Variants in VPS13C observed in about 807,000 individuals in gnomAD.
VPS13C encodes the protein intermembrane lipid transfer protein VPS13C.
A neutral mutation model predicts 456.8 loss-of-function variants in VPS13C; 358 were observed. The ratio of observed to expected loss-of-function variants is 0.78; its 90% CI spans 0.72 to 0.86. The LOEUF (loss-of-function observed/expected upper bound fraction) is 0.86, where lower values mean the gene tolerates loss of function less well. Among genes scored for constraint, VPS13C ranks in the 40% least tolerant of loss-of-function variants. The pLI is 0.00. For synonymous variants in VPS13C, 1,578 were observed against 1,486.7 expected (o/e 1.06, Z -1.41); for missense variants, 4,818 against 4,385.4 (o/e 1.10, Z -2.79).
intron 19 of VPS13C, 131 bp downstream of exon 19, chr15:61,984,726 G>A: frequency 1.1e-6 from 1 of 882,058 alleles, no homozygotes; most frequent in Non-Finnish European, 1.7e-6. Context: ...ATATAAAAAG[G>A]CTATCTTGAC....
chr15:62,018,712 C>A (rs28802313), intron 9 of VPS13C, among the ~76,000 whole-genome samples: 115 of 152,158 alleles, frequency 7.6e-4, no homozygotes, highest in African/African-American at 2.6e-3. Flanking sequence ...AGGATTTTTG[C>A]ATCGATGTTC....
In VPS13C at chr15:61,858,824, C is replaced by G. The variant is rs1479753454; in HGVS notation, c.10953-2415G>C. 6.6e-6 allele frequency among the ~76,000 whole-genome samples: 1 copy of G among 152,172 alleles called. No individual in the cohort carries two copies. Among genetic ancestry groups the G allele is most frequent in the African/African-American group, 2.4e-5 (1 of 41,446 alleles). ...AGGGATCTTAGAATTCTGCCAACAA[C>G]AGCAAATGAGCTTGGAAGTGGATTC... is the stretch of plus-strand genomic sequence containing the variant. On this transcript the variant is annotated intron_variant, in intron 82 of 84. Transcript: ENST00000644861. The surrounding 1 kb of genome is among the most constrained non-coding windows in gnomAD (Gnocchi z 4.4).
chr15:62,007,371 T>C lies in VPS13C; in HGVS notation c.1227A>G (p.Lys409=). The change falls in exon 15 of 85, where the codon AAA becomes AAG. Residue 409 remains lysine (K), a synonymous_variant. Transcript: ENST00000644861. Reference sequence around the variant, plus strand: ...GTGTTAACTTGTTTTTGTAGGCAATTTTATAACTCTTGAGTAACTGCCTGT... The same window carrying C: ...GTGTTAACTTGTTTTTGTAGGCAATCTTATAACTCTTGAGTAACTGCCTGT... ...KKHRQLLKSY[K]IAYKNKLTQS... 6.2e-7 allele frequency: 1 copy of C among 1,613,048 alleles called. No homozygotes were observed. The highest frequency in any genetic ancestry group is 8.5e-7 in the Non-Finnish European group (1 of 1,179,572).
rs750248552 is a variant in VPS13C at position 61,961,791 on chromosome 15, T to C, written c.3706A>G (p.Ser1236Gly). 1 of 1,613,944 alleles carries C rather than the reference T, an allele frequency of 6.2e-7. No homozygotes were observed. The highest frequency in any genetic ancestry group is 2.2e-5 in the East Asian group (1 of 44,854). Residue 1236 changes from serine to glycine, a missense_variant, in exon 35 of 85, where the codon AGT becomes GGT. Physicochemically the swap from Ser to Gly is moderately conservative, Grantham distance 56. This residue lies in a region of VPS13C where 4,552 missense variants were observed against 4,130.6 expected (regional missense o/e 1.10). Coordinates refer to ENST00000644861, the MANE Select transcript of VPS13C (RefSeq NM_020821.3). ...ATSVKDLAQR[S>G]FRVSINIDLK... ...TCAATATTGATGGAAACACGAAAAC[T>C]CCTCTGGGCAAGATCTTTCACACTT...
chr15:62,010,604 C>T lies in VPS13C; in HGVS notation c.884-5G>A, dbSNP rs757293250. 3 of 1,608,328 alleles carry T rather than the reference C, an allele frequency of 1.9e-6. No individual in the cohort carries two copies. Among genetic ancestry groups the T allele is most frequent in the East Asian group, 4.5e-5 (2 of 44,586 alleles). On this transcript the variant is annotated splice_polypyrimidine_tract_variant and splice_region_variant and intron_variant, in intron 12 of 84. Coordinates refer to ENST00000644861, the MANE Select transcript of VPS13C (RefSeq NM_020821.3). ...AGGCTGATATTGGCTGGAAAACTTA[C>T]ATCACATGGGAAGACATAAGATATG...
chr15:62,016,226 G>T (rs1420202246), intron 9 of VPS13C, among the ~76,000 whole-genome samples: 2 of 150,876 alleles, frequency 1.3e-5, no homozygotes, highest in African/African-American at 4.9e-5. Context: ...AGGCAAACTT[G>T]TCTGGTATGA....
In VPS13C at chr15:61,962,516, T is replaced by A. The variant is rs1014878903; in HGVS notation, c.3458A>T (p.Glu1153Val). The A allele has an allele frequency of 1.9e-6, 3 of 1,609,450 alleles. No individual in the cohort carries two copies. In the African/African-American group the frequency reaches 4.0e-5, roughly 22 times the overall value. The part of the protein sequence containing the change: ...HKKAVSIMGN[E>V]VFRFNLDLYP... Reference sequence around the variant, plus strand: ...CAAATCCAAATTAAAACGGAAAACTTCATTTCCCATTATTGACACAGCCTG... The same window carrying A: ...CAAATCCAAATTAAAACGGAAAACTACATTTCCCATTATTGACACAGCCTG... The change falls in exon 34 of 85, where the codon GAA becomes GTA. Residue 1153 changes from glutamate to valine, a missense_variant. By Grantham distance (121) the Glu-to-Val change is moderately radical. Coordinates refer to ENST00000644861, the MANE Select transcript of VPS13C (RefSeq NM_020821.3).
chr15:61,950,913 T>C, intron 40 of VPS13C, 32 bp downstream of exon 40: 1 of 1,420,928 alleles, frequency 7.0e-7, no homozygotes, highest in Non-Finnish European at 9.7e-7. Context: ...TATATTCAAA[T>C]ATTAAAGAAT....
At chr15:62,012,580 T>A (rs970452194) in intron 11 of VPS13C, among the ~76,000 whole-genome samples, 2 of 151,938 alleles carry the variant, frequency 1.3e-5, no homozygotes, top group Non-Finnish European at 2.9e-5. Context: ...TCTAAGTAAA[T>A]AAACATGGCT....
chr15:61,892,069 T>C (rs1299236054), intron 66 of VPS13C, among the ~76,000 whole-genome samples: 1 of 152,200 alleles, frequency 6.6e-6, no homozygotes, highest in Non-Finnish European at 1.5e-5. Flanking sequence ...GAAAGCCAGC[T>C]TCCTCACCAT....
intron 1 of VPS13C, among the ~76,000 whole-genome samples, chr15:62,045,801 T>C (rs1247740830): frequency 6.6e-6 from 1 of 151,866 alleles, no homozygotes; most frequent in Non-Finnish European, 1.5e-5. Context: ...GACCTAAAGA[T>C]CTAAATGTCC....
Position 61,958,601 on chromosome 15 carries a change from C to G in VPS13C, c.4165+7G>C, listed in dbSNP as rs1190846251. On this transcript the variant is annotated splice_region_variant and intron_variant, in intron 37 of 84. Coordinates refer to ENST00000644861, the MANE Select transcript of VPS13C (RefSeq NM_020821.3). ...ATGTATATTGCCACTTACTGTCAGCCTCTTACCTGTCTCTTGTACTCTTGG... is the reference window on the plus strand; with the variant it reads ...ATGTATATTGCCACTTACTGTCAGCGTCTTACCTGTCTCTTGTACTCTTGG... 4.6e-6 allele frequency: 7 copies of G among 1,511,142 alleles called. No homozygotes were observed. Among genetic ancestry groups the G allele is most frequent in the Non-Finnish European group, 5.4e-6 (6 of 1,110,340 alleles). 93.6% of individuals were successfully genotyped at this position (1,511,142 alleles called of 1,614,324 possible).
chr15:61,924,838 T>G (rs1194716081), intron 53 of VPS13C, among the ~76,000 whole-genome samples: 1 of 152,244 alleles, frequency 6.6e-6, no homozygotes, highest in African/African-American at 2.4e-5. Flanking sequence ...CTCATTTTTG[T>G]ATCCTTTGTG....
intron 46 of VPS13C, among the ~76,000 whole-genome samples, chr15:61,941,294 C>T (rs987838783): frequency 1.6e-4 from 24 of 152,132 alleles, no homozygotes; most frequent in Middle Eastern, 3.2e-3. Context: ...ACCAAATAAA[C>T]GCTCTTGTCA....
intron 55 of VPS13C, 137 bp downstream of exon 55, chr15:61,921,810 G>C: frequency 2.8e-6 from 2 of 711,730 alleles, no homozygotes; most frequent in Non-Finnish European, 4.5e-6. Flanking sequence ...CATATGAAAA[G>C]AGTTCTGACC....
Position 61,983,927 on chromosome 15 carries a change from T to G in VPS13C, c.1807A>C (p.Thr603Pro). 1 of 1,614,168 alleles carries G rather than the reference T, an allele frequency of 6.2e-7. No individual in the cohort carries two copies. The highest frequency in any genetic ancestry group is 8.5e-7 in the Non-Finnish European group (1 of 1,180,000). ...TTAATTTTAAGCAAGGATGATGTAG[T>G]GTCACCAATTGAAGCCACAAGTGAT... ...VPSLVASIGD[T>P]TSSLLKIKFE... Residue 603 changes from threonine to proline, a missense_variant, in exon 20 of 85, where the codon ACT becomes CCT. Physicochemically the swap from Thr to Pro is conservative, Grantham distance 38. This residue lies in a region of VPS13C where 4,552 missense variants were observed against 4,130.6 expected (regional missense o/e 1.10). Coordinates refer to ENST00000644861, the MANE Select transcript of VPS13C (RefSeq NM_020821.3).
At chr15:62,002,428 T>C (rs76501198) in intron 15 of VPS13C, among the ~76,000 whole-genome samples, 58,951 of 151,984 alleles carry the variant, frequency 0.39, 12,985 homozygotes, top group Admixed American at 0.51. Flanking sequence ...AGTCCTTTGT[T>C]AGATGAGTAG....
At chr15:61,863,332 G>T in intron 82 of VPS13C, 108 bp downstream of exon 82, 2 of 737,322 alleles carry the variant, frequency 2.7e-6, no homozygotes, top group Non-Finnish European at 4.5e-6. Flanking sequence ...ATTCACTTTG[G>T]AGAATTTTAA....
At chr15:62,025,144 T>TA (rs1239350787) in intron 6 of VPS13C, among the ~76,000 whole-genome samples, 2 of 151,990 alleles carry the variant, frequency 1.3e-5, no homozygotes, top group African/African-American at 2.4e-5. Context: ...TTCAAATGAA[T>TA]AAAAAAAATT....
Sources: allele counts gnomAD v4.1 joint callset (sites outside exome capture counted in the v4.1 genomes callset), GRCh38; gene constraint gnomAD v4.1.1; regional missense constraint gnomAD v4.1.1; non-coding constraint Gnocchi (gnomAD v3.1); transcripts MANE v1.5; gene names NCBI Gene and HGNC (gene_info 2026-07-23, HGNC 2026-07-21).